The following HOPX variants were observed in gnomAD, a reference collection of about 807,000 sequenced individuals.
The protein encoded by HOPX is homeodomain-only protein.
Under a neutral mutation model 11.8 loss-of-function variants are expected in HOPX, and 5 were observed. The observed-to-expected ratio is 0.43, with a 90% CI of 0.22 to 0.89. The LOEUF (loss-of-function observed/expected upper bound fraction) is 0.89, where lower values mean the gene tolerates loss of function less well. Among genes scored for constraint, HOPX ranks in the 40% least tolerant of loss-of-function variants. The pLI is 0.28. For missense variants in HOPX, 119 were observed against 120.0 expected, an observed-to-expected ratio of 0.99 and a Z score of 0.04; for synonymous variants, 49 against 49.7, an observed-to-expected ratio of 0.99 and a Z score of 0.06.
At chr4:56,677,839 C>T (rs1386654522) in intron 1 of HOPX, among the ~76,000 whole-genome samples, 1 of 151,676 alleles carries the variant, frequency 6.6e-6, no homozygotes, top group Non-Finnish European at 1.5e-5. Flanking sequence ...GCCAGATAGA[C>T]TCATCCCAGT....
upstream of HOPX, chr4:56,681,496 C>T: frequency 1.0e-6 from 1 of 997,534 alleles, no homozygotes; most frequent in Non-Finnish European, 1.2e-6. Context: ...GCTGGGACTT[C>T]TGAGAGTCTC....
chr4:56,670,759 G>A (rs1007549625), intron 1 of HOPX, among the ~76,000 whole-genome samples: 1 of 152,212 alleles, frequency 6.6e-6, no homozygotes, highest in African/African-American at 2.4e-5. Context: ...CACTTTGGGA[G>A]GCTGAGGCGA....
chr4:56,664,617 G>T (rs1048360386), intron 1 of HOPX: 2 of 152,060 alleles, frequency 1.3e-5, no homozygotes, highest in Non-Finnish European at 2.9e-5. Context: ...CTGTATATTT[G>T]CTTTATCATA....
intron 1 of HOPX, among the ~76,000 whole-genome samples, chr4:56,677,167 C>T (rs1334093657): frequency 6.6e-6 from 1 of 151,776 alleles, no homozygotes; most frequent in Non-Finnish European, 1.5e-5. Flanking sequence ...TTCAGAAAGA[C>T]ACAGGAAATG....
chr4:56,657,975 G>C, intron 1 of HOPX, 76 bp from the exon 2 acceptor site: 1 of 1,334,804 alleles, frequency 7.5e-7, no homozygotes, highest in Non-Finnish European at 1.0e-6. Flanking sequence ...GGCATAGACT[G>C]TCCTAGTAGG....
chr4:56,650,682 C>A (rs776207816), intron 3 of HOPX: 2 of 1,551,696 alleles, frequency 1.3e-6, no homozygotes, highest in South Asian at 1.2e-5. Flanking sequence ...ATCTTACATA[C>A]CTTTACACTG....
At chr4:56,656,335 C>T (rs1717735524) in intron 2 of HOPX, 9 of 1,061,238 alleles carry the variant, frequency 8.5e-6, no homozygotes, top group Non-Finnish European at 1.0e-5. Flanking sequence ...TCCGCGGGCC[C>T]TCACCGACCT....
chr4:56,666,155 C>T lies in HOPX; in HGVS notation c.-83-8256G>A, dbSNP rs552030127. Among the ~76,000 whole-genome samples the T allele has an allele frequency of 3.9e-5, 6 of 152,242 alleles. No individual in the cohort carries two copies. In the South Asian group the frequency reaches 8.3e-4, roughly 21 times the overall value. On this transcript the variant is annotated intron_variant, in intron 1 of 3. Transcript: ENST00000420433. ...GTGATTTCAGTTAAAACCACCGGCA[C>T]TACCAGCCAGGCTGGCTTTCCTTCC...
At chr4:56,655,800 C>T in intron 3 of HOPX, 57 bp downstream of exon 3, 1 of 1,537,642 alleles carries the variant, frequency 6.5e-7, no homozygotes, top group Non-Finnish European at 8.7e-7. Context: ...CGCCCAGCCG[C>T]GAGAAGGCTC....
chr4:56,666,359 T>C (rs1718442192), intron 1 of HOPX, among the ~76,000 whole-genome samples: 1 of 152,232 alleles, frequency 6.6e-6, no homozygotes, highest in Non-Finnish European at 1.5e-5. Flanking sequence ...CAGAGTTTTG[T>C]AGAATTAAGG....
Position 56,648,625 on chromosome 4 carries a change from A to G in HOPX, c.*95T>C, listed in dbSNP as rs954174953. The G allele has an allele frequency of 3.6e-6, 3 of 831,998 alleles. No homozygotes were observed. The highest frequency in any genetic ancestry group is 3.4e-5 in the African/African-American group (2 of 59,370). The allele number at this position is 831,998 out of a possible 1,614,324, so 51.5% of individuals were successfully genotyped here. ...CAGGACAGCTAGCAATGGAACATACAACACTATGCTGAAAAACCACAACAG... is the reference window on the plus strand; with the variant it reads ...CAGGACAGCTAGCAATGGAACATACGACACTATGCTGAAAAACCACAACAG... On this transcript the variant is annotated 3_prime_UTR_variant, in exon 4 of 4. Coordinates refer to ENST00000420433, the MANE Select transcript of HOPX (RefSeq NM_032495.6).
chr4:56,657,950 T>C, intron 1 of HOPX, 51 bp from the exon 2 acceptor site: 2 of 1,519,712 alleles, frequency 1.3e-6, no homozygotes, highest in South Asian at 1.2e-5. Flanking sequence ...CAGGAGCTCA[T>C]TGCCATTTTG....
intron 1 of HOPX, among the ~76,000 whole-genome samples, chr4:56,668,129 T>A (rs1718537168): frequency 6.6e-6 from 1 of 152,208 alleles, no homozygotes; most frequent in Admixed American, 6.5e-5. Flanking sequence ...TTTGCCATGT[T>A]GGCCAGACTG....
chr4:56,676,564 ACT>A (rs1459593903), intron 1 of HOPX: 2 of 151,236 alleles, frequency 1.3e-5, no homozygotes, highest in Non-Finnish European at 2.9e-5. Context: ...TTTTGGAGAA[ACT>A]CTGAATAACA....
intron 1 of HOPX, chr4:56,663,506 G>A (rs1718265139): frequency 6.6e-6 from 1 of 151,928 alleles, no homozygotes; most frequent in African/African-American, 2.4e-5. Context: ...TTGGTTTTTA[G>A]ACAGAGTCTC....
chr4:56,650,730 G>T (rs4371677), intron 3 of HOPX: 1 of 1,550,256 alleles, frequency 6.5e-7, no homozygotes, highest in Non-Finnish European at 8.7e-7. Context: ...AGCCAAGCAC[G>T]GCAGACTATC....
chr4:56,678,323 T>C (rs1719127075), intron 1 of HOPX, among the ~76,000 whole-genome samples: 1 of 151,530 alleles, frequency 6.6e-6, no homozygotes, highest in Admixed American at 6.6e-5. Flanking sequence ...TTGATTTCAC[T>C]GGTTTTCATC....
At chr4:56,678,802 T>G (rs1234154088) in intron 1 of HOPX, 4 of 151,896 alleles carry the variant, frequency 2.6e-5, no homozygotes, top group Non-Finnish European at 5.9e-5. Context: ...AACCACTAGG[T>G]TAGATTATCT....
chr4:56,650,832 T>C (rs1717103169), intron 3 of HOPX: 1 of 1,524,294 alleles, frequency 6.6e-7, no homozygotes, highest in Admixed American at 2.2e-5. Context: ...AAGAGAGAAC[T>C]CATGTAACTT....
Sources: gnomAD v4.1 joint callset for allele counts (sites outside exome capture counted in the v4.1 genomes callset) on GRCh38, gnomAD v4.1.1 for gene constraint, MANE v1.5 for transcripts, NCBI Gene and HGNC (gene_info 2026-07-23, HGNC 2026-07-21) for gene names.